The following NXPH1 variants were observed in gnomAD, a reference collection of about 807,000 sequenced individuals.
The protein encoded by NXPH1 is neurexophilin 1, also known as neurexophilin-1.
In NXPH1, 5 loss-of-function variants were observed where a neutral mutation model predicts 23.7. The observed-to-expected ratio is 0.21, with a 90% CI of 0.11 to 0.44. The LOEUF (loss-of-function observed/expected upper bound fraction) is 0.44. Ranked by LOEUF, NXPH1 falls within the 20% of genes least tolerant of loss-of-function variation. The pLI, the probability that NXPH1 is intolerant of heterozygous loss-of-function variation, is 0.99. For synonymous variants in NXPH1, 144 were observed against 122.2 expected, an observed-to-expected ratio of 1.18 and a Z score of -1.18; for missense variants, 324 against 321.6, an observed-to-expected ratio of 1.01 and a Z score of -0.06.
intron 2 of NXPH1, among the ~76,000 whole-genome samples, chr7:8,462,813 C>T (rs1176147143): frequency 6.6e-6 from 1 of 152,172 alleles, no homozygotes; most frequent in East Asian, 1.9e-4. Context: ...ACTCTTATCA[C>T]TGTTATTTAT....
intron 2 of NXPH1, among the ~76,000 whole-genome samples, chr7:8,607,023 T>G (rs759848896): frequency 1.3e-5 from 2 of 152,186 alleles, no homozygotes; most frequent in African/African-American, 2.4e-5. Flanking sequence ...ACATATTTTA[T>G]TGAATAATTT....
At chr7:8,723,772 C>A (rs552013747) in intron 2 of NXPH1, among the ~76,000 whole-genome samples, 2 of 152,114 alleles carry the variant, frequency 1.3e-5, no homozygotes, top group South Asian at 4.2e-4. Context: ...CTAGATAATG[C>A]GGAGTTAGCT....
chr7:8,720,216 C>T (rs761372171), intron 2 of NXPH1, among the ~76,000 whole-genome samples: 1 of 152,170 alleles, frequency 6.6e-6, no homozygotes, highest in Non-Finnish European at 1.5e-5. Flanking sequence ...TCTTAAATAG[C>T]AATAGGTAGT....
intron 2 of NXPH1, among the ~76,000 whole-genome samples, chr7:8,498,999 T>C (rs1162223399): frequency 3.9e-5 from 6 of 152,060 alleles, no homozygotes; most frequent in Admixed American, 2.0e-4. Context: ...TCCAGGAGCT[T>C]GGACTTGAGA....
intron 2 of NXPH1, among the ~76,000 whole-genome samples, chr7:8,593,165 A>C (rs920276822): frequency 7.0e-6 from 1 of 142,712 alleles, no homozygotes; most frequent in Non-Finnish European, 1.5e-5. Flanking sequence ...TCTCAGAGTA[A>C]GAAGCATTTT....
intron 2 of NXPH1, among the ~76,000 whole-genome samples, chr7:8,614,899 T>G (rs1303919446): frequency 6.6e-6 from 1 of 152,082 alleles, no homozygotes; most frequent in Non-Finnish European, 1.5e-5. Context: ...AAAGTAACAC[T>G]AAATTATATT....
intron 2 of NXPH1, among the ~76,000 whole-genome samples, chr7:8,653,521 T>C (rs1216376592): frequency 1.3e-5 from 2 of 152,226 alleles, no homozygotes; most frequent in Non-Finnish European, 2.9e-5. Context: ...TTTGTATATA[T>C]GTAATCATCC....
chr7:8,751,364 A>G lies in NXPH1; in HGVS notation c.411A>G (p.Ile137Met). 4 of 1,613,926 alleles carry G rather than the reference A, an allele frequency of 2.5e-6. No homozygotes were observed. The highest frequency in any genetic ancestry group is 1.6e-4 in the Middle Eastern group (1 of 6,062). ...NIKTVKLNLL[I>M]TGKIVDHGNG... ...AAACAGTGAAGCTGAACCTGTTGAT[A>G]ACTGGGAAAATTGTAGATCATGGCA... The change falls in exon 3 of 3, where the codon ATA becomes ATG. Residue 137 changes from isoleucine to methionine, a missense_variant. Ile to Met is a conservative substitution (Grantham distance 10). Coordinates refer to ENST00000405863, the MANE Select transcript of NXPH1 (RefSeq NM_152745.3). This position sits in a 1 kb window ranked among gnomAD's most constrained non-coding sequence, Gnocchi z 4.5.
intron 2 of NXPH1, among the ~76,000 whole-genome samples, chr7:8,612,504 A>T (rs910429731): frequency 2.6e-5 from 4 of 152,050 alleles, no homozygotes; most frequent in Non-Finnish European, 4.4e-5. Flanking sequence ...GTATATAAAT[A>T]CTGACTTGGC....
At chr7:8,680,917 G>T (rs1583227916) in intron 2 of NXPH1, among the ~76,000 whole-genome samples, 1 of 152,162 alleles carries the variant, frequency 6.6e-6, no homozygotes, top group Admixed American at 6.5e-5. Flanking sequence ...ATGACCTAAA[G>T]GTATCAGCAA....
At chr7:8,612,927 T>A (rs1819651488) in intron 2 of NXPH1, among the ~76,000 whole-genome samples, 1 of 152,066 alleles carries the variant, frequency 6.6e-6, no homozygotes, top group Admixed American at 6.6e-5. Context: ...GGGGATTCTA[T>A]GCTGCAGTGA....
rs189081887 is a variant in NXPH1, at chr7:8,453,123, T to C, written c.54+17356T>C. Reference sequence around the variant, plus strand: ...GAATTAAGTTTACTTTCAAAGATACTTTTTTATTTTTTACAGAAGTAGAAG... The same window carrying C: ...GAATTAAGTTTACTTTCAAAGATACCTTTTTATTTTTTACAGAAGTAGAAG... On this transcript the variant is annotated intron_variant, in intron 2 of 2. Transcript: ENST00000405863. Among the ~76,000 whole-genome samples, 62 of 152,240 alleles carry C rather than the reference T, an allele frequency of 4.1e-4. 1 individual carries two copies. The highest frequency in any genetic ancestry group is 2.1e-3 in the Admixed American group (32 of 15,294).
At chr7:8,708,614 G>A (rs545902392) in intron 2 of NXPH1, among the ~76,000 whole-genome samples, 10 of 151,540 alleles carry the variant, frequency 6.6e-5, no homozygotes, top group East Asian at 3.9e-4. Flanking sequence ...TGCCTGCCTC[G>A]GCCTCCCAAA....
chr7:8,464,426 C>T (rs183243990), intron 2 of NXPH1, among the ~76,000 whole-genome samples: 1 of 152,160 alleles, frequency 6.6e-6, no homozygotes, highest in Non-Finnish European at 1.5e-5. Flanking sequence ...GTCAGACATT[C>T]AAAGCATCTT....
At chr7:8,497,115 G>C (rs139882950) in intron 2 of NXPH1, among the ~76,000 whole-genome samples, 20 of 152,214 alleles carry the variant, frequency 1.3e-4, no homozygotes, top group Middle Eastern at 6.8e-3. Context: ...TGCAGTGTTT[G>C]GTTTTCTGTC....
intron 2 of NXPH1, among the ~76,000 whole-genome samples, chr7:8,458,580 G>A (rs1473050048): frequency 6.6e-6 from 1 of 152,148 alleles, no homozygotes; most frequent in Admixed American, 6.5e-5. Context: ...CACTTAAGAA[G>A]AGAATCCCAG....
intron 2 of NXPH1, among the ~76,000 whole-genome samples, chr7:8,729,960 A>G (rs1321640421): frequency 7.0e-6 from 1 of 143,116 alleles, no homozygotes; most frequent in Non-Finnish European, 1.5e-5. Context: ...TCCCATTATT[A>G]ATGTGTGGGA....
At chr7:8,570,542 T>C (rs1478749420) in intron 2 of NXPH1, among the ~76,000 whole-genome samples, 1 of 152,000 alleles carries the variant, frequency 6.6e-6, no homozygotes, top group Non-Finnish European at 1.5e-5. Context: ...AGGCACCCAA[T>C]TGTGGGAAGT....
At chr7:8,452,751 G>A (rs934909675) in intron 2 of NXPH1, among the ~76,000 whole-genome samples, 6 of 152,104 alleles carry the variant, frequency 3.9e-5, no homozygotes, top group African/African-American at 1.4e-4. Flanking sequence ...AAATTTCTTA[G>A]GATTATAGAA....
Sources: gnomAD v4.1 joint callset for allele counts (sites outside exome capture counted in the v4.1 genomes callset) on GRCh38, gnomAD v4.1.1 for gene constraint, Gnocchi (gnomAD v3.1) non-coding constraint, MANE v1.5 for transcripts, NCBI Gene and HGNC (gene_info 2026-07-23, HGNC 2026-07-21) for gene names.